The following PROSER2 variants were observed in gnomAD, a reference collection of about 807,000 sequenced individuals.
PROSER2 encodes the protein proline and serine-rich protein 2.
A neutral mutation model predicts 14.6 loss-of-function variants in PROSER2; 18 were observed. The observed-to-expected ratio is 1.23, with a 90% CI of 0.85 to 1.83. The LOEUF is 1.83. Ranked by LOEUF, PROSER2 falls within the 40% of genes most tolerant of loss-of-function variation. The pLI is 0.00. For synonymous variants in PROSER2, 367 were observed against 286.4 expected (o/e 1.28, Z -2.84); for missense variants, 823 against 629.8 (o/e 1.31, Z -3.28).
At position 11,865,096 on chromosome 10, in the gene PROSER2, T is replaced by C. The variant is rs776976138; in HGVS notation, c.139-1435T>C. Among the ~76,000 whole-genome samples the C allele has an allele frequency of 1.1e-4, 17 of 152,180 alleles. No homozygotes were observed. The highest frequency in any genetic ancestry group is 2.2e-4 in the Non-Finnish European group (15 of 68,034). On this transcript the variant is annotated intron_variant, in intron 2 of 3. Coordinates refer to ENST00000277570, the MANE Select transcript of PROSER2 (RefSeq NM_153256.4). The surrounding 1 kb of genome is among the most constrained non-coding windows in gnomAD (Gnocchi z 4.2). The stretch of plus-strand genomic sequence containing the variant: ...TGTTTAGGGGCATTTCCCTGAATTA[T>C]TTTATTTTATAATTTCTTCCTCTCA...
intron 1 of PROSER2, among the ~76,000 whole-genome samples, chr10:11,843,081 C>G (rs1833871268): frequency 6.7e-6 from 1 of 150,292 alleles, no homozygotes. Flanking sequence ...GCTGGGATTA[C>G]AGGCGCCCGC....
rs1025016638 is a variant in PROSER2, at chr10:11,823,890, G to T, written c.-82+420G>T. ...CATGCGGCCTCGGGGAGAGGGTGCGGGTCCGACACGGCGGGCGGAGCCACC... is the reference window on the plus strand; with the variant it reads ...CATGCGGCCTCGGGGAGAGGGTGCGTGTCCGACACGGCGGGCGGAGCCACC... On this transcript the variant is annotated intron_variant, in intron 1 of 3. Transcript: ENST00000277570. This position sits in a 1 kb window ranked among gnomAD's most constrained non-coding sequence, Gnocchi z 6.2. Among the ~76,000 whole-genome samples the T allele has an allele frequency of 1.1e-4, 17 of 152,216 alleles. No homozygotes were observed. Among genetic ancestry groups the T allele is most frequent in the Non-Finnish European group, 2.4e-4 (16 of 68,034 alleles).
At chr10:11,847,335 T>G (rs1317291491) in intron 1 of PROSER2, among the ~76,000 whole-genome samples, 1 of 152,162 alleles carries the variant, frequency 6.6e-6, no homozygotes, top group Non-Finnish European at 1.5e-5. Context: ...CAGTGTGATT[T>G]CTAACCCGCC....
At chr10:11,863,576 CCACACT>C (rs1355630641) in intron 2 of PROSER2, among the ~76,000 whole-genome samples, 1 of 151,952 alleles carries the variant, frequency 6.6e-6, no homozygotes, top group African/African-American at 2.4e-5. Context: ...GAAGCAGAGT[CCACACT>C]CATAGCATTA....
intron 2 of PROSER2, among the ~76,000 whole-genome samples, chr10:11,855,342 C>G (rs1219846286): frequency 6.6e-6 from 1 of 151,360 alleles, no homozygotes; most frequent in South Asian, 2.1e-4. Context: ...GGCGTGTTGG[C>G]GGGCGCCTGT....
At chr10:11,848,130 C>T (rs1833952650) in intron 1 of PROSER2, among the ~76,000 whole-genome samples, 1 of 151,972 alleles carries the variant, frequency 6.6e-6, no homozygotes. Context: ...GAGTGTGCCC[C>T]ACTCTGGTTT....
chr10:11,862,636 A>G lies in PROSER2; in HGVS notation c.139-3895A>G, dbSNP rs572089958. On this transcript the variant is annotated intron_variant, in intron 2 of 3. Transcript: ENST00000277570. The surrounding 1 kb of genome is among the most constrained non-coding windows in gnomAD (Gnocchi z 4.2). The stretch of plus-strand genomic sequence containing the variant: ...TTGAGCTGGGGAGACCTAGGCTGCA[A>G]TGAGCTGTGATTGTACCACTGCACT... Among the ~76,000 whole-genome samples the G allele has an allele frequency of 4.6e-5, 7 of 152,286 alleles. No individual in the cohort carries two copies. The highest frequency in any genetic ancestry group is 1.7e-4 in the African/African-American group (7 of 41,556).
intron 1 of PROSER2, among the ~76,000 whole-genome samples, chr10:11,825,712 T>G (rs1464352291): frequency 6.6e-6 from 1 of 152,180 alleles, no homozygotes; most frequent in Non-Finnish European, 1.5e-5. Flanking sequence ...GGTGCTAGGT[T>G]TCTAATCTGT....
At position 11,870,712 on chromosome 10, in the gene PROSER2, T is replaced by C. The variant is rs1400714884; in HGVS notation, c.*306T>C. ...CCCATAGGTTTCCGTGATGTGTAAA[T>C]GCCATCTTTTGGGGGTTGGGAGGAG... On this transcript the variant is annotated 3_prime_UTR_variant, in exon 4 of 4. Transcript: ENST00000277570. 2 of 286,480 alleles carry C rather than the reference T, an allele frequency of 7.0e-6. No individual in the cohort carries two copies. The highest frequency in any genetic ancestry group is 1.4e-5 in the Non-Finnish European group (2 of 145,706). 17.7% of individuals were successfully genotyped at this position (286,480 alleles called of 1,614,324 possible). A position where few individuals can be genotyped will look rare whatever the true frequency, so the allele number is the denominator to read the frequency against.
At chr10:11,860,976 T>G (rs1008609727) in intron 2 of PROSER2, among the ~76,000 whole-genome samples, 2 of 152,028 alleles carry the variant, frequency 1.3e-5, no homozygotes, top group South Asian at 2.1e-4. Flanking sequence ...CGTGGTGGCG[T>G]GCACCTGTAG....
In PROSER2 at chr10:11,836,688, A is replaced by C. The variant is rs1588485145; in HGVS notation, c.-82+13218A>C. ...TGTATATCCTGACACAGGAAGGGGGATGTCTTTTAGAAGCTCATTTCTACC... is the reference window on the plus strand; with the variant it reads ...TGTATATCCTGACACAGGAAGGGGGCTGTCTTTTAGAAGCTCATTTCTACC... On this transcript the variant is annotated intron_variant, in intron 1 of 3. Coordinates refer to ENST00000277570, the MANE Select transcript of PROSER2 (RefSeq NM_153256.4). The surrounding 1 kb of genome is among the most constrained non-coding windows in gnomAD (Gnocchi z 4.6). Among the ~76,000 whole-genome samples, 1 of 151,864 alleles carries C rather than the reference A, an allele frequency of 6.6e-6. No individual in the cohort carries two copies. Among genetic ancestry groups the C allele is most frequent in the Non-Finnish European group, 1.5e-5 (1 of 67,974 alleles).
chr10:11,828,386 A>C (rs1396652424), intron 1 of PROSER2, among the ~76,000 whole-genome samples: 4 of 152,000 alleles, frequency 2.6e-5, no homozygotes, highest in Admixed American at 6.6e-5. Context: ...AAAATAGTAC[A>C]ATTGGTATTT....
chr10:11,863,304 A>T (rs565880609), intron 2 of PROSER2, among the ~76,000 whole-genome samples: 1 of 152,260 alleles, frequency 6.6e-6, no homozygotes, highest in South Asian at 2.1e-4. Context: ...GGGCATTTGA[A>T]TACCTCTCAG....
intron 1 of PROSER2, chr10:11,849,672 G>C (rs1833983110): frequency 6.6e-6 from 1 of 152,252 alleles, no homozygotes; most frequent in Admixed American, 6.5e-5. Context: ...GCTTTTGGGA[G>C]AGTGGTAACA....
chr10:11,824,839 A>G (rs1262886862), intron 1 of PROSER2, among the ~76,000 whole-genome samples: 3 of 152,252 alleles, frequency 2.0e-5, no homozygotes, highest in Non-Finnish European at 4.4e-5. Context: ...TTAGAGTGAT[A>G]TAGTGGAGCG....
Position 11,862,901 on chromosome 10 carries a change from C to G in PROSER2, c.139-3630C>G, listed in dbSNP as rs1834270950. The G allele has an allele frequency of 6.6e-6, 1 of 152,192 alleles. No homozygotes were observed. The highest frequency in any genetic ancestry group is 1.5e-5 in the Non-Finnish European group (1 of 68,034). 9.4% of individuals were successfully genotyped at this position (152,192 alleles called of 1,614,324 possible). ...ATCACAGTGAAATATGACTGCATTC[C>G]TCTCCTTCAGGGCGCTAGAGCAACC... is the stretch of plus-strand genomic sequence containing the variant. On this transcript the variant is annotated intron_variant, in intron 2 of 3. Transcript: ENST00000277570. The surrounding 1 kb of genome is among the most constrained non-coding windows in gnomAD (Gnocchi z 4.2).
At chr10:11,832,485 T>C (rs72768208) in intron 1 of PROSER2, among the ~76,000 whole-genome samples, 5,746 of 152,316 alleles carry the variant, frequency 0.038, 196 homozygotes, top group South Asian at 0.12. Context: ...CACATTCATA[T>C]TGACATGGAT....
In PROSER2 at chr10:11,870,693, G is replaced by C. The variant is rs1338481469; in HGVS notation, c.*287G>C. On this transcript the variant is annotated 3_prime_UTR_variant, in exon 4 of 4. Coordinates refer to ENST00000277570, the MANE Select transcript of PROSER2 (RefSeq NM_153256.4). ...GAGAGAATAACCTGTTAGACCCATA[G>C]GTTTCCGTGATGTGTAAATGCCATC... 1.5e-5 allele frequency: 5 copies of C among 340,042 alleles called. No individual in the cohort carries two copies. The allele number at this position is 340,042 out of a possible 1,614,324, so 21.1% of individuals were successfully genotyped here.
In PROSER2 at chr10:11,870,476, C is replaced by T; in HGVS notation, c.*70C>T. The T allele has an allele frequency of 7.8e-7, 1 of 1,273,918 alleles. No individual in the cohort carries two copies. Among genetic ancestry groups the T allele is most frequent in the Non-Finnish European group, 1.0e-6 (1 of 967,984 alleles). 78.9% of individuals were successfully genotyped at this position (1,273,918 alleles called of 1,614,324 possible). ...GAGAGGGTGAAAGAGTCGCTGCACCCAGGAGCTGTTTGGTCTAAAATGGAA... is the reference window on the plus strand; with the variant it reads ...GAGAGGGTGAAAGAGTCGCTGCACCTAGGAGCTGTTTGGTCTAAAATGGAA... On this transcript the variant is annotated 3_prime_UTR_variant, in exon 4 of 4. Coordinates refer to ENST00000277570, the MANE Select transcript of PROSER2 (RefSeq NM_153256.4).
Sources: allele counts gnomAD v4.1 joint callset (sites outside exome capture counted in the v4.1 genomes callset), GRCh38; gene constraint gnomAD v4.1.1; non-coding constraint Gnocchi (gnomAD v3.1); transcripts MANE v1.5; gene names NCBI Gene and HGNC (gene_info 2026-07-23, HGNC 2026-07-21).